The following AIG1 variants were observed in gnomAD, a reference collection of about 807,000 sequenced individuals.
AIG1 encodes the protein androgen-induced gene 1 protein.
Under a neutral mutation model 31.4 loss-of-function variants are expected in AIG1, and 23 were observed. The ratio of observed to expected loss-of-function variants is 0.73; its 90% confidence interval spans 0.53 to 1.04. AIG1 has a LOEUF of 1.04. Among genes scored for constraint, AIG1 ranks in the 50% least tolerant of loss-of-function variants. AIG1 has a pLI of 0.00. For synonymous variants in AIG1, 100 were observed against 110.5 expected, an observed-to-expected ratio of 0.90 and a Z score of 0.60; for missense variants, 274 against 295.0, an observed-to-expected ratio of 0.93 and a Z score of 0.52.
chr6:143,109,811 T>G (rs1419938282), intron 1 of AIG1, among the ~76,000 whole-genome samples: 1 of 152,216 alleles, frequency 6.6e-6, no homozygotes, highest in Non-Finnish European at 1.5e-5. Flanking sequence ...ACAAATATAT[T>G]TTCTTTCTTT....
At chr6:143,207,321 G>A (rs989845129) in intron 3 of AIG1, among the ~76,000 whole-genome samples, 1 of 151,872 alleles carries the variant, frequency 6.6e-6, no homozygotes, top group Admixed American at 6.6e-5. Context: ...TATATTTTTA[G>A]TTTTAGAATT....
At chr6:143,267,379 G>A (rs1796228674) in intron 3 of AIG1, among the ~76,000 whole-genome samples, 1 of 152,066 alleles carries the variant, frequency 6.6e-6, no homozygotes, top group Non-Finnish European at 1.5e-5. Context: ...TTTACTTTTA[G>A]TGTGTTCTAC....
chr6:143,303,452 A>G (rs1196090281), intron 4 of AIG1, among the ~76,000 whole-genome samples: 1 of 151,988 alleles, frequency 6.6e-6, no homozygotes, highest in African/African-American at 2.4e-5. Context: ...ATGGCTAGCC[A>G]GTTTTCCCAG....
chr6:143,335,346 A>T (rs944055362), intron 5 of AIG1: 5 of 274,234 alleles, frequency 1.8e-5, no homozygotes, highest in Non-Finnish European at 2.7e-5. Context: ...ATCCTGGCCA[A>T]CATGGTGAAA....
rs993599969 is a variant in AIG1 at position 143,292,796 on chromosome 6, G to A, written c.515+8571G>A. ...GGATTGCCGTGAGCATCAGAAAAAT[G>A]GGTATACAATGTCCAGCACCTAACT... On this transcript the variant is annotated intron_variant, in intron 4 of 5. Coordinates refer to ENST00000357847, the MANE Select transcript of AIG1 (RefSeq NM_016108.4). This position sits in a 1 kb window ranked among gnomAD's most constrained non-coding sequence, Gnocchi z 4.9. 6.6e-6 allele frequency among the ~76,000 whole-genome samples: 1 copy of A among 152,180 alleles called. No individual in the cohort carries two copies. Among genetic ancestry groups the A allele is most frequent in the African/African-American group, 2.4e-5 (1 of 41,454 alleles).
At chr6:143,104,297 TAA>T (rs956669203) in intron 1 of AIG1, among the ~76,000 whole-genome samples, 6 of 152,212 alleles carry the variant, frequency 3.9e-5, no homozygotes. Flanking sequence ...AGTCTTTACC[TAA>T]TATTCCTCTC....
intron 3 of AIG1, among the ~76,000 whole-genome samples, chr6:143,233,969 GTCTTT>G (rs1383519334): frequency 6.6e-6 from 1 of 152,184 alleles, no homozygotes; most frequent in African/African-American, 2.4e-5. Context: ...TTATTAGAAA[GTCTTT>G]TCTTCTTTCT....
intron 1 of AIG1, among the ~76,000 whole-genome samples, chr6:143,120,357 C>A (rs776031870): frequency 2.0e-5 from 3 of 152,170 alleles, no homozygotes; most frequent in Non-Finnish European, 4.4e-5. Flanking sequence ...TTAGTCCATT[C>A]TCACGCTGCT....
chr6:143,285,905 T>C lies in AIG1; in HGVS notation c.515+1680T>C, dbSNP rs370180041. On this transcript the variant is annotated intron_variant, in intron 4 of 5. Transcript: ENST00000357847. Reference sequence around the variant, plus strand: ...TGAACTTATATTCAAATGAGTGTTATCTTTCAGAATAGTCAAGTAGGGAGG... The same window carrying C: ...TGAACTTATATTCAAATGAGTGTTACCTTTCAGAATAGTCAAGTAGGGAGG... 3.4e-4 allele frequency among the ~76,000 whole-genome samples: 51 copies of C among 152,214 alleles called. No individual in the cohort carries two copies. In the East Asian group the frequency reaches 8.3e-3, roughly 25 times the overall value.
intron 4 of AIG1, among the ~76,000 whole-genome samples, chr6:143,314,735 C>T (rs1775594808): frequency 6.6e-6 from 1 of 152,058 alleles, no homozygotes; most frequent in Non-Finnish European, 1.5e-5. Flanking sequence ...CAGTTCTTCT[C>T]CAGCTTAATC....
Position 143,334,341 on chromosome 6 carries a change from G to C in AIG1, c.679+896G>C, listed in dbSNP as rs1315156183. 6.6e-6 allele frequency among the ~76,000 whole-genome samples: 1 copy of C among 152,218 alleles called. No individual in the cohort carries two copies. The highest frequency in any genetic ancestry group is 2.4e-5 in the African/African-American group (1 of 41,472). On this transcript the variant is annotated intron_variant, in intron 5 of 5. Coordinates refer to ENST00000357847, the MANE Select transcript of AIG1 (RefSeq NM_016108.4). This position sits in a 1 kb window ranked among gnomAD's most constrained non-coding sequence, Gnocchi z 5.1. ...ACACAGACATTGAGCACCCTGCTTT[G>C]TGCCAGACACCCTGCCAGGAGCTCA...
chr6:143,305,470 A>G (rs1295398333), intron 4 of AIG1, among the ~76,000 whole-genome samples: 5 of 151,846 alleles, frequency 3.3e-5, no homozygotes, highest in African/African-American at 1.2e-4. Context: ...TTCTGCCTTC[A>G]TTTTGTTATG....
chr6:143,212,844 G>A (rs944122438), intron 3 of AIG1, among the ~76,000 whole-genome samples: 1 of 152,132 alleles, frequency 6.6e-6, no homozygotes, highest in Admixed American at 6.5e-5. Context: ...GAGTGAATTT[G>A]AAAGGCATAT....
At position 143,320,821 on chromosome 6, in the gene AIG1, T is replaced by G. The variant is rs1333784535; in HGVS notation, c.516-12461T>G. On this transcript the variant is annotated intron_variant, in intron 4 of 5. Coordinates refer to ENST00000357847, the MANE Select transcript of AIG1 (RefSeq NM_016108.4). ...ACTTAAAACTTGTTAAGCGAGTAGATTTTTTTTTTTTTTTTTTGAGAAGGA... is the reference window on the plus strand; with the variant it reads ...ACTTAAAACTTGTTAAGCGAGTAGAGTTTTTTTTTTTTTTTTTGAGAAGGA... Among the ~76,000 whole-genome samples, 4 of 9,440 alleles carry G rather than the reference T, an allele frequency of 4.2e-4. No homozygotes were observed. The East Asian group carries it at 4.9e-3, about 12-fold the overall frequency. The allele number at this position is 9,440 out of a possible 152,430, so 6.2% of individuals were successfully genotyped here.
At chr6:143,154,046 T>A (rs1785490556) in intron 2 of AIG1, among the ~76,000 whole-genome samples, 1 of 151,570 alleles carries the variant, frequency 6.6e-6, no homozygotes, top group African/African-American at 2.4e-5. Flanking sequence ...AAACCAGGAG[T>A]TCGTGACCAG....
rs1357597736 is a variant in AIG1 at position 143,326,192 on chromosome 6, T to C, written c.516-7090T>C. ...TATTTATTTTCAAAGACTTTATATT[T>C]GCACACTAGGACGGAGTCTACAATT... On this transcript the variant is annotated intron_variant, in intron 4 of 5. Coordinates refer to ENST00000357847, the MANE Select transcript of AIG1 (RefSeq NM_016108.4). This position sits in a 1 kb window ranked among gnomAD's most constrained non-coding sequence, Gnocchi z 4.5. Among the ~76,000 whole-genome samples, 2 of 152,214 alleles carry C rather than the reference T, an allele frequency of 1.3e-5. No individual in the cohort carries two copies. Among genetic ancestry groups the C allele is most frequent in the African/African-American group, 4.8e-5 (2 of 41,446 alleles).
rs1436632510 is a variant in AIG1 at position 143,340,770 on chromosome 6, G to A, written c.*1094G>A. 6.6e-6 allele frequency among the ~76,000 whole-genome samples: 1 copy of A among 151,866 alleles called. No individual in the cohort carries two copies. The highest frequency in any genetic ancestry group is 2.4e-5 in the African/African-American group (1 of 41,322). The stretch of plus-strand genomic sequence containing the variant: ...AACCACCGCGCCCAGCCACAAAATT[G>A]TTTTTAAAAAAACTATTTTACAAAA... On this transcript the variant is annotated 3_prime_UTR_variant, in exon 6 of 6. Coordinates refer to ENST00000357847, the MANE Select transcript of AIG1 (RefSeq NM_016108.4).
intron 3 of AIG1, among the ~76,000 whole-genome samples, chr6:143,200,991 A>G (rs1454370251): frequency 1.3e-5 from 2 of 152,118 alleles, no homozygotes; most frequent in Non-Finnish European, 2.9e-5. Flanking sequence ...TTGGACTCCC[A>G]CATCCCTCCC....
intron 1 of AIG1, among the ~76,000 whole-genome samples, chr6:143,088,280 AATTAC>A (rs1778985852): frequency 6.7e-6 from 1 of 149,982 alleles, no homozygotes; most frequent in Non-Finnish European, 1.5e-5. Flanking sequence ...TTTTTTTTGT[AATTAC>A]ATATGTATAC....
Sources: allele counts gnomAD v4.1 joint callset (sites outside exome capture counted in the v4.1 genomes callset), GRCh38; gene constraint gnomAD v4.1.1; non-coding constraint Gnocchi (gnomAD v3.1); transcripts MANE v1.5; gene names NCBI Gene and HGNC (gene_info 2026-07-23, HGNC 2026-07-21).